CHST15: variants seen among roughly 807,000 people sequenced by gnomAD.
CHST15 encodes the protein B cell RAG associated protein (GALNAC4S-6ST).
Under a neutral mutation model 53.6 loss-of-function variants are expected in CHST15, and 30 were observed. The ratio of observed to expected loss-of-function variants is 0.56; its 90% confidence interval spans 0.42 to 0.76. The LOEUF (loss-of-function observed/expected upper bound fraction) is 0.76, where lower values mean the gene tolerates loss of function less well. Ranked by LOEUF, CHST15 falls within the 30% of genes least tolerant of loss-of-function variation. The pLI is 0.00. For missense variants in CHST15, 627 were observed against 740.5 expected, an observed-to-expected ratio of 0.85 and a Z score of 1.78; for synonymous variants, 296 against 289.8, an observed-to-expected ratio of 1.02 and a Z score of -0.22.
At chr10:124,011,674 G>A (rs1346619031) in intron 7 of CHST15, 23 of 985,336 alleles carry the variant, frequency 2.3e-5, no homozygotes, top group East Asian at 1.1e-4. Flanking sequence ...AGTCAGCAGT[G>A]TGGCCTGTCA....
intron 5 of CHST15, among the ~76,000 whole-genome samples, chr10:124,030,559 A>C (rs1269910345): frequency 6.6e-6 from 1 of 152,234 alleles, no homozygotes; most frequent in Admixed American, 6.5e-5. Context: ...CTTTCTCCTC[A>C]TTCCGTCTCT....
intron 1 of CHST15, among the ~76,000 whole-genome samples, chr10:124,086,633 C>T (rs939553160): frequency 2.0e-5 from 3 of 151,488 alleles, no homozygotes; most frequent in Admixed American, 6.6e-5. Context: ...GAACAGCCAT[C>T]GCATGTGGAT....
At chr10:124,076,741 G>A (rs376058433) in intron 1 of CHST15, among the ~76,000 whole-genome samples, 36 of 146,322 alleles carry the variant, frequency 2.5e-4, no homozygotes, top group African/African-American at 8.7e-4. Flanking sequence ...ACGGAGTCTC[G>A]CTCTGTCGCC....
chr10:124,081,981 C>T (rs569817613), intron 1 of CHST15, among the ~76,000 whole-genome samples: 78 of 152,182 alleles, frequency 5.1e-4, no homozygotes, highest in Non-Finnish European at 1.0e-3. Context: ...AGCCGGGCCG[C>T]CCATCACCGC....
At chr10:124,047,330 T>C (rs1194070031) in intron 1 of CHST15, among the ~76,000 whole-genome samples, 1 of 152,254 alleles carries the variant, frequency 6.6e-6, no homozygotes, top group Non-Finnish European at 1.5e-5. Context: ...GAATGTATCA[T>C]ATTAAAAAAC....
rs1946939768 is a variant in CHST15, at chr10:124,024,981, C to T, written c.1191-3569G>A. The stretch of plus-strand genomic sequence containing the variant: ...AAGCCCAGTTTTTACCAAAGATGCC[C>T]ACAGAACTACCCAAATTGTTTGGTG... On this transcript the variant is annotated intron_variant, in intron 5 of 7. Transcript: ENST00000435907. This position sits in a 1 kb window ranked among gnomAD's most constrained non-coding sequence, Gnocchi z 4.0. 2.0e-5 allele frequency among the ~76,000 whole-genome samples: 3 copies of T among 152,186 alleles called. No homozygotes were observed.
At chr10:124,044,497 C>T in intron 3 of CHST15, 83 bp downstream of exon 3, 1 of 1,209,142 alleles carries the variant, frequency 8.3e-7, no homozygotes, top group Non-Finnish European at 1.1e-6. Context: ...GCCCTCGCCC[C>T]CCAACCCCAG....
chr10:124,014,732 T>C (rs1042426335), intron 6 of CHST15, among the ~76,000 whole-genome samples: 27 of 152,162 alleles, frequency 1.8e-4, no homozygotes, highest in Non-Finnish European at 5.9e-5. Flanking sequence ...AGGAGAACTT[T>C]CCAGAAGGAA....
At chr10:124,063,748 C>T (rs908217156) in intron 1 of CHST15, among the ~76,000 whole-genome samples, 1 of 152,158 alleles carries the variant, frequency 6.6e-6, no homozygotes, top group Non-Finnish European at 1.5e-5. Flanking sequence ...CACATCTCTC[C>T]GGAGCACAGC....
chr10:124,021,638 C>G (rs1946795203), intron 5 of CHST15, among the ~76,000 whole-genome samples: 1 of 152,128 alleles, frequency 6.6e-6, no homozygotes, highest in African/African-American at 2.4e-5. Flanking sequence ...CTATACTGGC[C>G]CCACACAAAC....
chr10:124,068,168 T>C (rs1360585944), intron 1 of CHST15, among the ~76,000 whole-genome samples: 1 of 152,078 alleles, frequency 6.6e-6, no homozygotes, highest in Non-Finnish European at 1.5e-5. Context: ...AAGGGGATGG[T>C]GAAGTCAGTC....
intron 1 of CHST15, among the ~76,000 whole-genome samples, chr10:124,082,142 G>A (rs1206556274): frequency 6.6e-6 from 1 of 152,114 alleles, no homozygotes; most frequent in African/African-American, 2.4e-5. Context: ...AGAGTACATT[G>A]GATGACTGAA....
chr10:124,011,678 C>T (rs1038071341), intron 7 of CHST15: 2 of 985,326 alleles, frequency 2.0e-6, no homozygotes, highest in African/African-American at 3.5e-5. Flanking sequence ...AGCAGTGTGG[C>T]CTGTCACCAC....
Position 124,076,092 on chromosome 10 carries a change from T to A in CHST15, c.-513+17377A>T, listed in dbSNP as rs140590145. On this transcript the variant is annotated intron_variant, in intron 1 of 7. Transcript: ENST00000435907. ...AAAGCCAGGGGAGATGGGCTGCCCCTCTCTTGGGACTGAGCCACAGAGTCA... is the reference window on the plus strand; with the variant it reads ...AAAGCCAGGGGAGATGGGCTGCCCCACTCTTGGGACTGAGCCACAGAGTCA... 2.7e-3 allele frequency among the ~76,000 whole-genome samples: 414 copies of A among 152,218 alleles called. 1 individual carries two copies. Among genetic ancestry groups the A allele is most frequent in the African/African-American group, 9.6e-3 (400 of 41,518 alleles).
rs1008177695 is a variant in CHST15 at position 124,042,595 on chromosome 10, G to C, written c.887-148C>G. On this transcript the variant is annotated intron_variant, in intron 3 of 7. Coordinates refer to ENST00000435907, the MANE Select transcript of CHST15 (RefSeq NM_001270764.2). ...GCTCAGCCCAGGTAAGCTTCAGAAA[G>C]GGCTGCTGGGGATGGGGGTGGGGGT... 16 of 825,266 alleles carry C rather than the reference G, an allele frequency of 1.9e-5. No individual in the cohort carries two copies. The African/African-American group carries it at 2.6e-4, about 13-fold the overall frequency. The allele number at this position is 825,266 out of a possible 1,614,324, so 51.1% of individuals were successfully genotyped here.
At chr10:124,083,252 T>C (rs1477966419) in intron 1 of CHST15, among the ~76,000 whole-genome samples, 1 of 152,214 alleles carries the variant, frequency 6.6e-6, no homozygotes, top group Non-Finnish European at 1.5e-5. Flanking sequence ...TGACTTCCAG[T>C]GAGCACGTCT....
In CHST15 at chr10:124,021,115, G is replaced by A. The variant is rs184057096; in HGVS notation, c.1347+141C>T. 2.1e-5 allele frequency: 32 copies of A among 1,507,040 alleles called. No individual in the cohort carries two copies. The East Asian group carries it at 6.2e-4, about 29-fold the overall frequency. 93.4% of individuals were successfully genotyped at this position (1,507,040 alleles called of 1,614,324 possible). A position where few individuals can be genotyped will look rare whatever the true frequency, so the allele number is the denominator to read the frequency against. On this transcript the variant is annotated intron_variant, in intron 6 of 7. Coordinates refer to ENST00000435907, the MANE Select transcript of CHST15 (RefSeq NM_001270764.2). The stretch of plus-strand genomic sequence containing the variant: ...CAGCTTTTACATCCATGAATAATGG[G>A]GAACAGCATTTGCACATTAAAACGC...
At position 124,008,259 on chromosome 10, in the gene CHST15, T is replaced by C; in HGVS notation, c.*1890A>G. ...GTTAATTGGCAGAGAAATTAATCTA[T>C]AAAAGGGTTGTGTCCAGAGCGGAGG... On this transcript the variant is annotated 3_prime_UTR_variant, in exon 8 of 8. Coordinates refer to ENST00000435907, the MANE Select transcript of CHST15 (RefSeq NM_001270764.2). 2 of 1,195,386 alleles carry C rather than the reference T, an allele frequency of 1.7e-6. No individual in the cohort carries two copies. Among genetic ancestry groups the C allele is most frequent in the Non-Finnish European group, 1.0e-6 (1 of 965,734 alleles). The allele number at this position is 1,195,386 out of a possible 1,614,324, so 74.0% of individuals were successfully genotyped here.
rs760184420 is a variant in CHST15, at chr10:124,008,583, G to A, written c.*1566C>T. On this transcript the variant is annotated 3_prime_UTR_variant, in exon 8 of 8. Coordinates refer to ENST00000435907, the MANE Select transcript of CHST15 (RefSeq NM_001270764.2). The stretch of plus-strand genomic sequence containing the variant: ...CAGAGCCCTCTGCACACCTTCGAAC[G>A]GGCTGTGTGTCCCTTCTCTGATGGC... 4.6e-5 allele frequency: 47 copies of A among 1,013,500 alleles called. No individual in the cohort carries two copies. The highest frequency in any genetic ancestry group is 2.9e-4 in the African/African-American group (17 of 58,224). 62.8% of individuals were successfully genotyped at this position (1,013,500 alleles called of 1,614,324 possible). A position where few individuals can be genotyped will look rare whatever the true frequency, so the allele number is the denominator to read the frequency against.
Sources: allele counts gnomAD v4.1 joint callset (sites outside exome capture counted in the v4.1 genomes callset), GRCh38; gene constraint gnomAD v4.1.1; non-coding constraint Gnocchi (gnomAD v3.1); transcripts MANE v1.5; gene names NCBI Gene and HGNC (gene_info 2026-07-23, HGNC 2026-07-21).